Variants in KIAA0825 observed in about 807,000 individuals in gnomAD.
KIAA0825 encodes uncharacterized protein KIAA0825.
KIAA0825 carries 119 observed loss-of-function variants against 147.6 expected under a neutral mutation model. That is an observed-to-expected ratio of 0.81 (90% CI 0.69 to 0.94). The LOEUF (loss-of-function observed/expected upper bound fraction) is 0.94. KIAA0825 is among the 40% of genes least tolerant of loss of function. The probability of loss-of-function intolerance (pLI) is 0.00; values close to 1 mark genes in which losing one functional copy is unlikely to be tolerated. For synonymous variants in KIAA0825, 470 were observed against 518.1 expected (o/e 0.91, Z 1.26); for missense variants, 1,381 against 1,472.7 (o/e 0.94, Z 1.02).
intron 13 of KIAA0825, 130 bp from the exon 14 acceptor site, chr5:94,440,251 C>A (rs1325898313): frequency 8.2e-6 from 8 of 972,576 alleles, no homozygotes; most frequent in Non-Finnish European, 1.0e-5. Context: ...AAAATGCTTT[C>A]ATGCTTGCTT....
intron 20 of KIAA0825, among the ~76,000 whole-genome samples, chr5:94,258,948 G>A (rs1209831300): frequency 1.3e-5 from 2 of 151,966 alleles, no homozygotes; most frequent in Non-Finnish European, 2.9e-5. Flanking sequence ...GCTCCATGCT[G>A]GTTGGTATGT....
intron 20 of KIAA0825, among the ~76,000 whole-genome samples, chr5:94,232,113 T>A (rs1050756669): frequency 6.6e-6 from 1 of 152,076 alleles, no homozygotes; most frequent in Non-Finnish European, 1.5e-5. Context: ...GATTGCCAAC[T>A]CATGGCAGCT....
chr5:94,537,465 C>A (rs1717601590), intron 2 of KIAA0825, among the ~76,000 whole-genome samples: 1 of 151,986 alleles, frequency 6.6e-6, no homozygotes, highest in Admixed American at 6.6e-5. Context: ...TCCTGGCTAA[C>A]ATGATGAAAC....
intron 20 of KIAA0825, among the ~76,000 whole-genome samples, chr5:94,187,404 T>TTTG (rs1770228136): frequency 7.0e-6 from 1 of 143,392 alleles, no homozygotes; most frequent in African/African-American, 2.6e-5. Flanking sequence ...AGAAAGGAGT[T>TTTG]TTTTTTTTTT....
chr5:94,594,781 T>C, intron 1 of KIAA0825: 5 of 579,076 alleles, frequency 8.6e-6, no homozygotes, highest in Non-Finnish European at 1.6e-5. Flanking sequence ...TTTAGAGAAG[T>C]CGAATCATGA....
At chr5:94,411,476 T>C (rs1752758898) in intron 15 of KIAA0825, among the ~76,000 whole-genome samples, 1 of 152,032 alleles carries the variant, frequency 6.6e-6, no homozygotes, top group Non-Finnish European at 1.5e-5. Flanking sequence ...TCTGGGAAAA[T>C]TACATAGCCA....
rs141730644 is a variant in KIAA0825, at chr5:94,345,221, G to T, written c.3710+39147C>A. On this transcript the variant is annotated intron_variant, in intron 20 of 20. Transcript: ENST00000682413. ...GGCAATATTCTATTCCTGGGCATAG[G>T]TTATCAGTGGTGTTTAAATGAACGT... Among the ~76,000 whole-genome samples, 341 of 152,196 alleles carry T rather than the reference G, an allele frequency of 2.2e-3. 1 individual carries two copies. The highest frequency in any genetic ancestry group is 7.8e-3 in the African/African-American group (323 of 41,522).
chr5:94,287,877 T>G (rs1178258336), intron 20 of KIAA0825, among the ~76,000 whole-genome samples: 1 of 152,178 alleles, frequency 6.6e-6, no homozygotes, highest in Non-Finnish European at 1.5e-5. Context: ...CTCCCAGGGC[T>G]ACTACCTGGG....
chr5:94,197,130 G>A (rs1008269203), intron 20 of KIAA0825, among the ~76,000 whole-genome samples: 1 of 152,106 alleles, frequency 6.6e-6, no homozygotes, highest in Admixed American at 6.5e-5. Context: ...TCAACATCTG[G>A]TGTGTCTTGA....
chr5:94,444,616 G>A (rs1355961878), intron 13 of KIAA0825, among the ~76,000 whole-genome samples: 1 of 152,070 alleles, frequency 6.6e-6, no homozygotes, highest in Non-Finnish European at 1.5e-5. Flanking sequence ...AATCATGAGG[G>A]AAAGATGGAA....
At chr5:94,370,806 G>C (rs1746589639) in intron 20 of KIAA0825, among the ~76,000 whole-genome samples, 1 of 152,050 alleles carries the variant, frequency 6.6e-6, no homozygotes, top group African/African-American at 2.4e-5. Context: ...CTACTCGGGA[G>C]CCTGAGGCAG....
chr5:94,398,842 G>A (rs983663451), intron 16 of KIAA0825, among the ~76,000 whole-genome samples: 24 of 152,072 alleles, frequency 1.6e-4, no homozygotes, highest in African/African-American at 5.8e-4. Flanking sequence ...TACTGTTTTT[G>A]CTGAACAAAA....
intron 17 of KIAA0825, among the ~76,000 whole-genome samples, chr5:94,394,171 C>T (rs1414100348): frequency 6.6e-6 from 1 of 152,040 alleles, no homozygotes; most frequent in African/African-American, 2.4e-5. Flanking sequence ...TTACAGTGCC[C>T]AAACTCTGTA....
At chr5:94,612,394 T>A (rs1019529654) in intron 1 of KIAA0825, among the ~76,000 whole-genome samples, 1 of 152,228 alleles carries the variant, frequency 6.6e-6, no homozygotes, top group African/African-American at 2.4e-5. Flanking sequence ...ACTGGCCTAA[T>A]TGAAGCTTTC....
chr5:94,464,876 GTGGAGTTCTT>G lies in KIAA0825; in HGVS notation c.2046_2055del (p.Lys682AsnfsTer3). ...TTTCAGAACTTCAATTACCTTAACT[GTGGAGTTCTT>G]TTACGGCTGGGGTGGGCCCGAGCGT... On this transcript the variant is annotated frameshift_variant, in exon 11 of 21. Coordinates refer to ENST00000682413, the MANE Select transcript of KIAA0825 (RefSeq NM_001145678.3). LOFTEE classifies it high-confidence loss of function. 6.4e-7 allele frequency: 1 copy of G among 1,550,676 alleles called. No homozygotes were observed. Among genetic ancestry groups the G allele is most frequent in the Non-Finnish European group, 8.7e-7 (1 of 1,146,568 alleles).
chr5:94,585,715 A>C (rs965328656), intron 1 of KIAA0825, among the ~76,000 whole-genome samples: 1 of 152,100 alleles, frequency 6.6e-6, no homozygotes, highest in Non-Finnish European at 1.5e-5. Context: ...AGAACTCTAC[A>C]CCCCAAATCA....
intron 1 of KIAA0825, among the ~76,000 whole-genome samples, chr5:94,587,045 A>G (rs1186833285): frequency 6.6e-6 from 1 of 152,214 alleles, no homozygotes; most frequent in Non-Finnish European, 1.5e-5. Flanking sequence ...ACATATCTCA[A>G]AATAATAAGA....
chr5:94,408,472 G>A (rs188021314), intron 15 of KIAA0825, among the ~76,000 whole-genome samples: 77 of 152,042 alleles, frequency 5.1e-4, no homozygotes, highest in African/African-American at 1.8e-3. Context: ...TCAGCCACCC[G>A]AGTAGCTGGG....
chr5:94,534,363 T>C (rs987003249), intron 3 of KIAA0825, among the ~76,000 whole-genome samples: 2 of 152,170 alleles, frequency 1.3e-5, no homozygotes, highest in African/African-American at 4.8e-5. Context: ...TTAAAAAATA[T>C]ATATACCCTA....
Sources: gnomAD v4.1 joint callset for allele counts (sites outside exome capture counted in the v4.1 genomes callset) on GRCh38, gnomAD v4.1.1 for gene constraint, MANE v1.5 for transcripts, NCBI Gene and HGNC (gene_info 2026-07-23, HGNC 2026-07-21) for gene names.